TRPM7: variants seen among roughly 807,000 people sequenced by gnomAD.
The protein encoded by TRPM7 is LTRPC ion channel family member 7.
Under a neutral mutation model 229.7 loss-of-function variants are expected in TRPM7, and 134 were observed. That is an observed-to-expected ratio of 0.58 (90% confidence interval 0.51 to 0.67). The LOEUF (loss-of-function observed/expected upper bound fraction) is 0.67. Among genes scored for constraint, TRPM7 ranks in the 30% least tolerant of loss-of-function variants. The pLI is 0.00. For missense variants in TRPM7, 1,901 were observed against 2,210.0 expected (o/e 0.86, Z 2.80); for synonymous variants, 699 against 715.2 (o/e 0.98, Z 0.36).
chr15:50,582,367 TCAC>T (rs1247438744), intron 29 of TRPM7: 2 of 152,194 alleles, frequency 1.3e-5, no homozygotes, highest in Non-Finnish European at 2.9e-5. Context: ...ATGTCCATCA[TCAC>T]TTTAAACATA....
At chr15:50,667,283 C>T (rs114217977) in intron 1 of TRPM7, among the ~76,000 whole-genome samples, 4,496 of 152,232 alleles carry the variant, frequency 0.03, 244 homozygotes, top group African/African-American at 0.1. Context: ...AAGGGCTCTA[C>T]CTTGAAGCCA....
intron 27 of TRPM7, 46 bp downstream of exon 27, chr15:50,589,545 CA>C (rs1488513732): frequency 7.8e-7 from 1 of 1,290,134 alleles, no homozygotes; most frequent in Admixed American, 2.1e-5. Flanking sequence ...AACATCAAGA[CA>C]GTAAAATAAA....
chr15:50,567,651 A>G (rs2053662407), intron 38 of TRPM7, among the ~76,000 whole-genome samples: 1 of 152,152 alleles, frequency 6.6e-6, no homozygotes, highest in Admixed American at 6.6e-5. Flanking sequence ...TAGGAATGCA[A>G]TACTGGCTCA....
chr15:50,643,643 A>C, intron 4 of TRPM7, 90 bp from the exon 5 acceptor site: 1 of 936,516 alleles, frequency 1.1e-6, no homozygotes, highest in Non-Finnish European at 1.6e-6. Flanking sequence ...ATTTTATATG[A>C]ATCAGATTAT....
chr15:50,645,600 G>C (rs1239009520), intron 4 of TRPM7, among the ~76,000 whole-genome samples: 3 of 152,110 alleles, frequency 2.0e-5, no homozygotes, highest in African/African-American at 7.2e-5. Flanking sequence ...CCAAAGTTCT[G>C]GGATTACAGG....
chr15:50,572,852 A>C (rs1293344031), intron 36 of TRPM7, among the ~76,000 whole-genome samples: 2 of 152,200 alleles, frequency 1.3e-5, no homozygotes, highest in Admixed American at 1.3e-4. Flanking sequence ...CTGAGTAATA[A>C]ACATTCTAAA....
intron 6 of TRPM7, among the ~76,000 whole-genome samples, chr15:50,637,912 C>T (rs1035008470): frequency 3.3e-5 from 5 of 152,164 alleles, no homozygotes; most frequent in Non-Finnish European, 7.3e-5. Context: ...AGTGACTAAA[C>T]TACAATATAT....
rs1167256728 is a variant in TRPM7 at position 50,659,280 on chromosome 15, A to C, written c.84-1461T>G. The stretch of plus-strand genomic sequence containing the variant: ...CTACACTATATATTTTAAAGGGGGA[A>C]GGGGGATAATCATCTGCTTGGACAT... On this transcript the variant is annotated intron_variant, in intron 2 of 38. Transcript: ENST00000646667. Among the ~76,000 whole-genome samples the C allele has an allele frequency of 3.3e-5, 5 of 152,234 alleles. No individual in the cohort carries two copies. The East Asian group carries it at 9.7e-4, about 29-fold the overall frequency.
intron 6 of TRPM7, among the ~76,000 whole-genome samples, chr15:50,638,454 C>A (rs2060985336): frequency 7.0e-6 from 1 of 141,856 alleles, no homozygotes; most frequent in Non-Finnish European, 1.5e-5. Flanking sequence ...GAGGCTGAGG[C>A]AGGAGAATCA....
intron 27 of TRPM7, among the ~76,000 whole-genome samples, chr15:50,587,322 A>T (rs185295473): frequency 4.2e-4 from 64 of 151,656 alleles, no homozygotes; most frequent in Admixed American, 3.4e-3. Flanking sequence ...TAGGTACTTA[A>T]ATCTCTACAT....
Position 50,616,762 on chromosome 15 carries a change from C to G in TRPM7, c.1495-2499G>C, listed in dbSNP as rs540483619. Among the ~76,000 whole-genome samples, 3 of 151,968 alleles carry G rather than the reference C, an allele frequency of 2.0e-5. No individual in the cohort carries two copies. The East Asian group carries it at 5.8e-4, about 29-fold the overall frequency. On this transcript the variant is annotated intron_variant, in intron 13 of 38. Transcript: ENST00000646667. ...ATGGCACAATCTCAGCTTGCTGCAA[C>G]CTCCGCTTCCCAGGTCCAAGCAATT...
intron 21 of TRPM7, among the ~76,000 whole-genome samples, chr15:50,601,043 T>C (rs1324552929): frequency 6.6e-6 from 1 of 152,154 alleles, no homozygotes; most frequent in East Asian, 1.9e-4. Flanking sequence ...AAACAAAAAG[T>C]ATATTAAAAG....
intron 7 of TRPM7, among the ~76,000 whole-genome samples, chr15:50,635,531 C>CAT (rs1567052572): frequency 6.6e-6 from 1 of 150,738 alleles, no homozygotes; most frequent in Non-Finnish European, 1.5e-5. Flanking sequence ...GGCATGGTGG[C>CAT]ATGCGCCTGC....
intron 4 of TRPM7, 138 bp from the exon 5 acceptor site, chr15:50,643,691 A>T (rs1311572846): frequency 1.6e-6 from 1 of 638,580 alleles, no homozygotes; most frequent in Non-Finnish European, 2.7e-6. Context: ...CAATATATTT[A>T]TACTCCAAGG....
At position 50,559,332 on chromosome 15, in the gene TRPM7, T is replaced by C. The variant is rs1218147186; in HGVS notation, c.*2346A>G. ...TCCCAAAGTGCTGGGATTACAGGCATGAGCCACTGCACCTGGCCTAATTTT... is the reference window on the plus strand; with the variant it reads ...TCCCAAAGTGCTGGGATTACAGGCACGAGCCACTGCACCTGGCCTAATTTT... On this transcript the variant is annotated 3_prime_UTR_variant, in exon 39 of 39. Coordinates refer to ENST00000646667, the MANE Select transcript of TRPM7 (RefSeq NM_017672.6). 6.6e-6 allele frequency: 1 copy of C among 152,000 alleles called. No homozygotes were observed. The highest frequency in any genetic ancestry group is 2.4e-5 in the African/African-American group (1 of 41,354). 9.4% of individuals were successfully genotyped at this position (152,000 alleles called of 1,614,324 possible). A position where few individuals can be genotyped will look rare whatever the true frequency, so the allele number is the denominator to read the frequency against.
intron 20 of TRPM7, among the ~76,000 whole-genome samples, chr15:50,605,360 T>C (rs2059893299): frequency 6.6e-6 from 1 of 152,156 alleles, no homozygotes; most frequent in Admixed American, 6.6e-5. Flanking sequence ...CAGAGATTCA[T>C]CCAACTAAGA....
At chr15:50,661,515 G>A (rs2061723954) in intron 2 of TRPM7, among the ~76,000 whole-genome samples, 1 of 152,102 alleles carries the variant, frequency 6.6e-6, no homozygotes, top group Non-Finnish European at 1.5e-5. Flanking sequence ...ATGGAAATGT[G>A]TTTGTTGTGA....
intron 13 of TRPM7, among the ~76,000 whole-genome samples, chr15:50,619,268 T>A (rs1427671233): frequency 2.6e-5 from 4 of 151,348 alleles, no homozygotes; most frequent in African/African-American, 9.7e-5. Context: ...TCACCCAGGC[T>A]GGAATGCAGT....
At chr15:50,628,108 G>A (rs1033177283) in intron 11 of TRPM7, 41 bp downstream of exon 11, 2 of 1,367,088 alleles carry the variant, frequency 1.5e-6, no homozygotes, top group Admixed American at 3.8e-5. Flanking sequence ...TTATTACTTA[G>A]TGTAATTTAA....
Sources: allele counts gnomAD v4.1 joint callset (sites outside exome capture counted in the v4.1 genomes callset), GRCh38; gene constraint gnomAD v4.1.1; transcripts MANE v1.5; gene names NCBI Gene and HGNC (gene_info 2026-07-23, HGNC 2026-07-21).